The following BEND7 variants were observed in gnomAD, a reference collection of about 807,000 sequenced individuals.
The protein encoded by BEND7 is BEN domain containing 7, also known as BEN domain-containing protein 7.
BEND7 carries 28 observed loss-of-function variants against 50.9 expected under a neutral mutation model. The observed-to-expected ratio is 0.55, with a 90% CI of 0.41 to 0.75. BEND7 has a LOEUF of 0.75. BEND7 is among the 30% of genes least tolerant of loss of function. BEND7 has a pLI of 0.00. For missense variants in BEND7, 477 were observed against 491.3 expected, an observed-to-expected ratio of 0.97 and a Z score of 0.28; for synonymous variants, 170 against 183.9, an observed-to-expected ratio of 0.92 and a Z score of 0.61.
intron 5 of BEND7, among the ~76,000 whole-genome samples, chr10:13,490,586 T>C (rs1431183475): frequency 1.3e-5 from 2 of 152,220 alleles, no homozygotes; most frequent in Non-Finnish European, 2.9e-5. Context: ...TATCTCTATC[T>C]TTCTGTCAGC....
intron 2 of BEND7, among the ~76,000 whole-genome samples, chr10:13,503,248 C>T (rs942254480): frequency 2.6e-5 from 4 of 152,172 alleles, no homozygotes; most frequent in Non-Finnish European, 5.9e-5. Flanking sequence ...AGAAACATGT[C>T]TCCCAAAGGC....
chr10:13,458,746 G>C (rs1046596296), intron 6 of BEND7, among the ~76,000 whole-genome samples: 2 of 152,254 alleles, frequency 1.3e-5, no homozygotes, highest in African/African-American at 4.8e-5. Flanking sequence ...GACAAGCAGA[G>C]GGACCCAACT....
At position 13,499,965 on chromosome 10, in the gene BEND7, C is replaced by T; in HGVS notation, c.261G>A (p.Glu87=). 6.2e-7 allele frequency: 1 copy of T among 1,614,222 alleles called. No homozygotes were observed. Among genetic ancestry groups the T allele is most frequent in the Non-Finnish European group, 8.5e-7 (1 of 1,180,048 alleles). ...GCCAGACTAAATCCAGGTCCTGGGG[C>T]TCTTCTTTTAGTTTCTCTCCTTCTT... ...VGKEGEKLKE[E]PQDLDLVWPP... is the part of the protein sequence containing the mutation. Residue 87 remains glutamate (E), a synonymous_variant, in exon 3 of 9, where the codon GAG becomes GAA. Transcript: ENST00000466271.
intron 2 of BEND7, among the ~76,000 whole-genome samples, chr10:13,519,463 G>A (rs1423263090): frequency 4.7e-5 from 7 of 150,284 alleles, no homozygotes; most frequent in African/African-American, 1.5e-4. Context: ...GCAACAGAGC[G>A]AGACTCCGTC....
chr10:13,523,948 G>C (rs1054274340), intron 2 of BEND7, among the ~76,000 whole-genome samples: 1 of 152,196 alleles, frequency 6.6e-6, no homozygotes, highest in Non-Finnish European at 1.5e-5. Context: ...TCAATCTTTT[G>C]TCTCTTGATG....
chr10:13,467,065 G>A (rs748030426), intron 6 of BEND7, among the ~76,000 whole-genome samples: 2 of 152,190 alleles, frequency 1.3e-5, no homozygotes, highest in Non-Finnish European at 2.9e-5. Flanking sequence ...CGTGGACACC[G>A]GGGGAAGATG....
intron 6 of BEND7, among the ~76,000 whole-genome samples, chr10:13,477,023 A>G (rs567809101): frequency 1.3e-5 from 2 of 152,326 alleles, no homozygotes; most frequent in African/African-American, 4.8e-5. Context: ...TTTTATTTTT[A>G]AGATACTGTC....
intron 5 of BEND7, among the ~76,000 whole-genome samples, chr10:13,489,458 G>A (rs61833896): frequency 0.043 from 6,480 of 152,166 alleles, 193 homozygotes; most frequent in Non-Finnish European, 0.061. Flanking sequence ...CCTGGGTTGC[G>A]GGACACACTC....
chr10:13,487,778 G>A (rs956703880), intron 5 of BEND7, among the ~76,000 whole-genome samples: 27 of 151,980 alleles, frequency 1.8e-4, no homozygotes, highest in Middle Eastern at 3.4e-3. Context: ...TTTATCTATT[G>A]GGCTAAGAAG....
chr10:13,468,671 T>C (rs891891853), intron 6 of BEND7, among the ~76,000 whole-genome samples: 1 of 152,128 alleles, frequency 6.6e-6, no homozygotes, highest in Non-Finnish European at 1.5e-5. Context: ...GACAGAGTGA[T>C]GCACAGCTGG....
intron 6 of BEND7, among the ~76,000 whole-genome samples, chr10:13,461,491 G>T (rs1019086027): frequency 6.6e-6 from 1 of 152,202 alleles, no homozygotes; most frequent in African/African-American, 2.4e-5. Context: ...CCAGCACTTT[G>T]GGAGGCCGCG....
chr10:13,528,708 C>G lies in BEND7; in HGVS notation c.-175G>C, dbSNP rs2079572302. ...GCGGGACGGGAGGAACCACCGCGAG[C>G]CGGCTCGGGGCTGCAGGCGCGGGGC... On this transcript the variant is annotated 5_prime_UTR_variant, in exon 1 of 9. Transcript: ENST00000466271. The G allele has an allele frequency of 5.7e-6, 1 of 174,246 alleles. No individual in the cohort carries two copies. Among genetic ancestry groups the G allele is most frequent in the Admixed American group, 6.8e-5 (1 of 14,808 alleles). 10.8% of individuals were successfully genotyped at this position (174,246 alleles called of 1,614,324 possible). A position where few individuals can be genotyped will look rare whatever the true frequency, so the allele number is the denominator to read the frequency against.
At chr10:13,486,403 C>A (rs1294148865) in intron 5 of BEND7, among the ~76,000 whole-genome samples, 2 of 152,178 alleles carry the variant, frequency 1.3e-5, no homozygotes, top group African/African-American at 4.8e-5. Context: ...GGACTAGATG[C>A]TCACCAGCAT....
rs1319876369 is a variant in BEND7, at chr10:13,447,336, GAC to G, written c.1184-22_1184-21del. 5.0e-6 allele frequency: 8 copies of G among 1,613,530 alleles called. No individual in the cohort carries two copies. The highest frequency in any genetic ancestry group is 6.8e-6 in the Non-Finnish European group (8 of 1,179,732). On this transcript the variant is annotated intron_variant, in intron 7 of 8. Transcript: ENST00000466271. ...CGATCTCTGCTGGTTACAAACATAAGACACAAATCTCATTAGTTCCAGGGAGC... is the reference window on the plus strand; with the variant it reads ...CGATCTCTGCTGGTTACAAACATAAGACAAATCTCATTAGTTCCAGGGAGC...
chr10:13,507,927 C>G (rs1890879), intron 2 of BEND7, among the ~76,000 whole-genome samples: 29,891 of 152,098 alleles, frequency 0.2, 3,022 homozygotes, highest in Middle Eastern at 0.23. Flanking sequence ...AATAAGATGA[C>G]CAGGATTATA....
At chr10:13,440,170 A>G (rs1238902544), downstream of BEND7, among the ~76,000 whole-genome samples, 1 of 152,144 alleles carries the variant, frequency 6.6e-6, no homozygotes, top group Non-Finnish European at 1.5e-5. Flanking sequence ...CCATTGGGTT[A>G]GAGAGGTCTT....
At chr10:13,527,717 TCA>T (rs2079522417) in intron 1 of BEND7, 1 of 439,022 alleles carries the variant, frequency 2.3e-6, no homozygotes, top group Admixed American at 6.4e-5. Context: ...TCTTGAGTTA[TCA>T]TTTTTTTAAA....
At chr10:13,492,986 C>A (rs2076776584) in intron 4 of BEND7, 110 bp from the exon 5 acceptor site, 1 of 1,293,750 alleles carries the variant, frequency 7.7e-7, no homozygotes, top group African/African-American at 1.5e-5. Context: ...GAGGAAAACT[C>A]CAGGATGAAG....
intron 7 of BEND7, 96 bp from the exon 8 acceptor site, chr10:13,447,412 A>G (rs1466558781): frequency 6.5e-6 from 8 of 1,228,032 alleles, no homozygotes; most frequent in Non-Finnish European, 9.5e-6. Flanking sequence ...ACTCCAGTAT[A>G]CATAACTGTT....
Sources: gnomAD v4.1 joint callset for allele counts (sites outside exome capture counted in the v4.1 genomes callset) on GRCh38, gnomAD v4.1.1 for gene constraint, MANE v1.5 for transcripts, NCBI Gene and HGNC (gene_info 2026-07-23, HGNC 2026-07-21) for gene names.